Variants in OR2L13 observed in about 807,000 individuals in gnomAD.
OR2L13 encodes the protein olfactory receptor 2L13.
A neutral mutation model predicts 15.3 loss-of-function variants in OR2L13; 14 were observed. The ratio of observed to expected loss-of-function variants is 0.91; its 90% CI spans 0.60 to 1.43. The LOEUF (loss-of-function observed/expected upper bound fraction) is 1.43. Ranked by LOEUF, OR2L13 falls within the 40% of genes most tolerant of loss-of-function variation. OR2L13 has a pLI of 0.00. For missense variants in OR2L13, 367 were observed against 387.9 expected, an observed-to-expected ratio of 0.95 and a Z score of 0.45; for synonymous variants, 152 against 142.9, an observed-to-expected ratio of 1.06 and a Z score of -0.45.
the OR2L13 span, among the ~76,000 whole-genome samples, chr1:248,081,835 A>G: frequency 6.6e-6 from 1 of 152,156 alleles, no homozygotes; most frequent in East Asian, 1.9e-4. Flanking sequence ...TCTTAAATAT[A>G]TTACTGCTTT....
the OR2L13 span, among the ~76,000 whole-genome samples, chr1:247,983,952 A>G: frequency 6.6e-6 from 1 of 152,038 alleles, no homozygotes; most frequent in Admixed American, 6.5e-5. Context: ...GAGTGAGGAG[A>G]TGGGGGGTCC....
chr1:248,043,827 A>T, the OR2L13 span, among the ~76,000 whole-genome samples: 1 of 152,164 alleles, frequency 6.6e-6, no homozygotes, highest in East Asian at 1.9e-4. Context: ...TTATATATAG[A>T]ATAAAAAAGA....
the OR2L13 span, among the ~76,000 whole-genome samples, chr1:247,978,629 C>T: frequency 2.0e-5 from 3 of 152,208 alleles, no homozygotes; most frequent in Non-Finnish European, 2.9e-5. Flanking sequence ...ATTCCTTGCT[C>T]TCATTTCTTC....
At chr1:247,991,960 C>T in the OR2L13 span, among the ~76,000 whole-genome samples, 6 of 149,366 alleles carry the variant, frequency 4.0e-5, no homozygotes, top group East Asian at 2.0e-4. Flanking sequence ...AGAAAAGCCC[C>T]GAATTATCCA....
the OR2L13 span, among the ~76,000 whole-genome samples, chr1:248,063,622 C>T: frequency 6.6e-6 from 1 of 152,202 alleles, no homozygotes; most frequent in South Asian, 2.1e-4. Context: ...CCTTCCATCA[C>T]GAGTCACTTG....
upstream of OR2L13, among the ~76,000 whole-genome samples, chr1:248,091,706 C>G (rs1297353179): frequency 6.6e-6 from 1 of 152,024 alleles, no homozygotes; most frequent in Non-Finnish European, 1.5e-5. Context: ...AGTTTGAAGT[C>G]AAGTAATGCG....
the OR2L13 span, chr1:247,965,918 T>C: frequency 6.2e-7 from 1 of 1,612,286 alleles, no homozygotes; most frequent in Admixed American, 1.7e-5. Context: ...TTCTGTGAAG[T>C]TCCAGCTCTA....
the OR2L13 span, among the ~76,000 whole-genome samples, chr1:248,076,810 A>T: frequency 1.4e-4 from 22 of 152,166 alleles, no homozygotes; most frequent in Non-Finnish European, 2.6e-4. Flanking sequence ...TGACATCCTC[A>T]TTTCCTAATT....
chr1:248,051,188 G>C, the OR2L13 span: 1 of 151,790 alleles, frequency 6.6e-6, no homozygotes, highest in Non-Finnish European at 1.5e-5. Context: ...TATCCTCCAG[G>C]GTCCACCATT....
At chr1:247,944,208 G>T in the OR2L13 span, among the ~76,000 whole-genome samples, 1 of 151,836 alleles carries the variant, frequency 6.6e-6, no homozygotes, top group Non-Finnish European at 1.5e-5. Context: ...TGAGCTTTCT[G>T]TTTGTGAGAA....
At chr1:248,085,467 A>AT in the OR2L13 span, among the ~76,000 whole-genome samples, 17 of 105,050 alleles carry the variant, frequency 1.6e-4, no homozygotes, top group African/African-American at 7.0e-4. Flanking sequence ...GCAGAGAAGC[A>AT]CCAAAAAAAA....
At chr1:247,986,831 C>T in the OR2L13 span, among the ~76,000 whole-genome samples, 345 of 152,174 alleles carry the variant, frequency 2.3e-3, 1 homozygote, top group Non-Finnish European at 3.9e-3. Context: ...CCTTCACGTC[C>T]GTTGTAAGTT....
chr1:248,016,854 A>T, the OR2L13 span, among the ~76,000 whole-genome samples: 1 of 152,146 alleles, frequency 6.6e-6, no homozygotes, highest in African/African-American at 2.4e-5. Flanking sequence ...AAGTTCACTT[A>T]CAACCCCTGA....
chr1:247,948,916 C>G, the OR2L13 span: 1 of 1,613,694 alleles, frequency 6.2e-7, no homozygotes, highest in Non-Finnish European at 8.5e-7. Flanking sequence ...TTTCCACCAT[C>G]AAGAATTGAC....
chr1:248,095,978 T>A (rs963104140), upstream of OR2L13, among the ~76,000 whole-genome samples: 14 of 152,006 alleles, frequency 9.2e-5, no homozygotes, highest in African/African-American at 2.9e-4. Flanking sequence ...TATAACTGAA[T>A]TGAGTTGATT....
chr1:248,060,650 T>C, the OR2L13 span: 2 of 1,546,154 alleles, frequency 1.3e-6, no homozygotes, highest in Non-Finnish European at 1.8e-6. Flanking sequence ...TACCCTTGTG[T>C]CTCCCTTCAG....
chr1:248,068,502 C>T, the OR2L13 span, among the ~76,000 whole-genome samples: 1 of 152,088 alleles, frequency 6.6e-6, no homozygotes, highest in Non-Finnish European at 1.5e-5. Context: ...ATCTGTACAT[C>T]ACCATCATCA....
the OR2L13 span, among the ~76,000 whole-genome samples, chr1:248,009,510 C>T: frequency 6.6e-6 from 1 of 152,086 alleles, no homozygotes; most frequent in Non-Finnish European, 1.5e-5. Flanking sequence ...ATAACAAGTT[C>T]TGAAATTGAG....
At chr1:247,955,718 T>TG in the OR2L13 span, among the ~76,000 whole-genome samples, 116,443 of 146,300 alleles carry the variant, frequency 0.8, 50,560 homozygotes, top group Non-Finnish European at 0.95. Flanking sequence ...AGCATTTTTT[T>TG]TCTTTTGGCT....
Sources: gnomAD v4.1 joint callset for allele counts (sites outside exome capture counted in the v4.1 genomes callset) on GRCh38, gnomAD v4.1.1 for gene constraint, MANE v1.5 for transcripts, NCBI Gene and HGNC (gene_info 2026-07-23, HGNC 2026-07-21) for gene names.